Variants in AAMDC observed in about 807,000 individuals in gnomAD.
AAMDC encodes the protein adipogenesis associated Mth938 domain containing.
AAMDC carries 16 observed loss-of-function variants against 15.5 expected under a neutral mutation model. That is an observed-to-expected ratio of 1.03 (90% CI 0.70 to 1.57). The LOEUF is 1.57. Ranked by LOEUF, AAMDC falls within the 40% of genes most tolerant of loss-of-function variation. The pLI, the probability that AAMDC is intolerant of heterozygous loss-of-function variation, is 0.00. For synonymous variants in AAMDC, 51 were observed against 51.6 expected, an observed-to-expected ratio of 0.99 and a Z score of 0.05; for missense variants, 141 against 144.9, an observed-to-expected ratio of 0.97 and a Z score of 0.14.
intron 1 of AAMDC, among the ~76,000 whole-genome samples, chr11:77,833,899 G>A (rs1211350394): frequency 6.6e-6 from 1 of 152,086 alleles, no homozygotes; most frequent in Non-Finnish European, 1.5e-5. Flanking sequence ...TATTCTGCCA[G>A]CTCTTAGCAC....
intron 1 of AAMDC, among the ~76,000 whole-genome samples, chr11:77,834,441 G>GTTTTTTTTTTTTTTTTTTTTTT (rs11438814): frequency 1.9e-5 from 2 of 105,548 alleles, no homozygotes; most frequent in African/African-American, 3.6e-5. Context: ...AGTTGATTTT[G>GTTTTTTTTTTTTTTTTTTTTTT]TTTTTTTTTT....
chr11:77,878,923 C>A (rs985297516), intron 5 of AAMDC: 1 of 1,597,032 alleles, frequency 6.3e-7, no homozygotes, highest in South Asian at 1.1e-5. Context: ...GCCCTCTAGG[C>A]CACGGTTGGG....
rs571342539 is a variant in AAMDC, at chr11:77,823,032, G to T, written c.-19+1791G>T. Among the ~76,000 whole-genome samples the T allele has an allele frequency of 2.0e-5, 3 of 152,110 alleles. No individual in the cohort carries two copies. In the South Asian group the frequency reaches 6.2e-4, roughly 32 times the overall value. ...AGATCAAGACCATCCTGGCTAACGC[G>T]GTGAAACCCGTCTCTACTAAAAATA... On this transcript the variant is annotated intron_variant, in intron 1 of 3. Transcript: ENST00000393427.
intron 5 of AAMDC, among the ~76,000 whole-genome samples, chr11:77,899,352 A>G (rs999714464): frequency 3.3e-5 from 5 of 152,264 alleles, no homozygotes; most frequent in Middle Eastern, 3.4e-3. Flanking sequence ...GAAAGAAAAA[A>G]AAGAAAAAAG....
chr11:77,868,886 T>G, intron 2 of AAMDC: 1 of 192,128 alleles, frequency 5.2e-6, no homozygotes, highest in South Asian at 1.2e-4. Flanking sequence ...TTCAGGAAGC[T>G]CTATTGGCTC....
At chr11:77,878,811 T>G in intron 5 of AAMDC, 1 of 762,072 alleles carries the variant, frequency 1.3e-6, no homozygotes, top group Non-Finnish European at 2.4e-6. Flanking sequence ...TTATCCTGTG[T>G]TTGATACCAG....
At chr11:77,839,086 A>T (rs1949818378) in intron 1 of AAMDC, among the ~76,000 whole-genome samples, 1 of 152,162 alleles carries the variant, frequency 6.6e-6, no homozygotes, top group Non-Finnish European at 1.5e-5. Flanking sequence ...AGTCTTTGCT[A>T]AATGTCAGAC....
chr11:77,868,403 G>A lies in AAMDC; in HGVS notation c.133-1319G>A, dbSNP rs1951228288. Reference sequence around the variant, plus strand: ...GATGAAGTCTTGGTCTTGTTGCCCAGGCTGGAGTGCAATGGCGTGATCTCA... The same window carrying A: ...GATGAAGTCTTGGTCTTGTTGCCCAAGCTGGAGTGCAATGGCGTGATCTCA... On this transcript the variant is annotated intron_variant, in intron 2 of 3. Transcript: ENST00000393427. Among the ~76,000 whole-genome samples the A allele has an allele frequency of 2.9e-5, 4 of 136,002 alleles. No individual in the cohort carries two copies. In the South Asian group the frequency reaches 9.3e-4, roughly 32 times the overall value. The allele number at this position is 136,002 out of a possible 152,430, so 89.2% of individuals were successfully genotyped here. A position where few individuals can be genotyped will look rare whatever the true frequency, so the allele number is the denominator to read the frequency against.
intron 2 of AAMDC, among the ~76,000 whole-genome samples, chr11:77,864,840 A>G (rs1403195045): frequency 6.6e-6 from 1 of 152,154 alleles, no homozygotes; most frequent in Non-Finnish European, 1.5e-5. Context: ...TTAGCCAGGC[A>G]TGGTGGCACA....
chr11:77,833,486 A>G (rs1222949960), intron 1 of AAMDC, among the ~76,000 whole-genome samples: 2 of 152,124 alleles, frequency 1.3e-5, no homozygotes, highest in Non-Finnish European at 2.9e-5. Context: ...CAGGAGGTAG[A>G]GCTCGGGCAG....
intron 5 of AAMDC, among the ~76,000 whole-genome samples, chr11:77,897,708 T>C (rs866072433): frequency 6.6e-5 from 10 of 151,798 alleles, no homozygotes; most frequent in East Asian, 1.9e-4. Context: ...GGTTTCACCA[T>C]GTTAGCCAGG....
chr11:77,828,861 A>G (rs1298001877), intron 1 of AAMDC, among the ~76,000 whole-genome samples: 1 of 152,192 alleles, frequency 6.6e-6, no homozygotes, highest in African/African-American at 2.4e-5. Flanking sequence ...CTTTGCAGAA[A>G]TTGACAAGTT....
At chr11:77,859,476 G>A (rs1165423464) in intron 2 of AAMDC, among the ~76,000 whole-genome samples, 1 of 152,172 alleles carries the variant, frequency 6.6e-6, no homozygotes, top group Non-Finnish European at 1.5e-5. Context: ...TGCTGCATGG[G>A]CATGGAGGAC....
intron 1 of AAMDC, chr11:77,841,285 C>T: frequency 1.4e-6 from 1 of 701,156 alleles, no homozygotes; most frequent in Non-Finnish European, 2.6e-6. Context: ...TGGAAGGGTG[C>T]AGACATTCAA....
At chr11:77,872,127 C>T in intron 3 of AAMDC, 48 bp from the exon 4 acceptor site, 2 of 1,585,268 alleles carry the variant, frequency 1.3e-6, no homozygotes, top group South Asian at 1.2e-5. Flanking sequence ...AAAGGAACCC[C>T]TGGGGGGCCT....
intron 1 of AAMDC, among the ~76,000 whole-genome samples, chr11:77,827,028 C>G (rs1414726478): frequency 6.6e-6 from 1 of 152,086 alleles, no homozygotes; most frequent in African/African-American, 2.4e-5. Context: ...TCACTTGAAC[C>G]CAGGAGGCAG....
intron 1 of AAMDC, among the ~76,000 whole-genome samples, chr11:77,823,024 G>T (rs1948992271): frequency 6.6e-6 from 1 of 152,052 alleles, no homozygotes; most frequent in African/African-American, 2.4e-5. Flanking sequence ...GACCATCCTG[G>T]CTAACGCGGT....
At chr11:77,826,449 A>G (rs956386070) in intron 1 of AAMDC, among the ~76,000 whole-genome samples, 8 of 152,186 alleles carry the variant, frequency 5.3e-5, no homozygotes, top group African/African-American at 1.9e-4. Flanking sequence ...ATTATTAAAT[A>G]ATTCAGAACA....
chr11:77,870,433 T>A (rs1951370657), intron 3 of AAMDC, among the ~76,000 whole-genome samples: 1 of 146,998 alleles, frequency 6.8e-6, no homozygotes, highest in African/African-American at 2.5e-5. Context: ...GCCTCCCGGG[T>A]TCATGCCATT....
Sources: gnomAD v4.1 joint callset for allele counts (sites outside exome capture counted in the v4.1 genomes callset) on GRCh38, gnomAD v4.1.1 for gene constraint, MANE v1.5 for transcripts, NCBI Gene and HGNC (gene_info 2026-07-23, HGNC 2026-07-21) for gene names.